RSBN1L: variants seen among roughly 807,000 people sequenced by gnomAD.
The protein encoded by RSBN1L is round spermatid basic protein 1 like, also known as lysine-specific demethylase RSBN1L.
Under a neutral mutation model 67.7 loss-of-function variants are expected in RSBN1L, and 30 were observed. That is an observed-to-expected ratio of 0.44 (90% CI 0.33 to 0.60). The LOEUF (loss-of-function observed/expected upper bound fraction) is 0.60, where lower values mean the gene tolerates loss of function less well. RSBN1L is among the 20% of genes least tolerant of loss of function. The probability of loss-of-function intolerance (pLI) is 0.02; values close to 1 mark genes in which losing one functional copy is unlikely to be tolerated. For synonymous variants in RSBN1L, 433 were observed against 387.0 expected (o/e 1.12, Z -1.39); for missense variants, 992 against 1,031.7 (o/e 0.96, Z 0.53).
chr7:77,744,330 C>T (rs1354985650), intron 2 of RSBN1L, among the ~76,000 whole-genome samples: 2 of 152,128 alleles, frequency 1.3e-5, no homozygotes, highest in Admixed American at 6.5e-5. Context: ...GCCACCATGC[C>T]TGGCCTACTG....
At chr7:77,699,507 A>C (rs1790785462) in intron 1 of RSBN1L, among the ~76,000 whole-genome samples, 1 of 152,256 alleles carries the variant, frequency 6.6e-6, no homozygotes, top group Non-Finnish European at 1.5e-5. Flanking sequence ...GGTATTTAGT[A>C]AATGTTATTT....
rs976914162 is a variant in RSBN1L at position 77,731,249 on chromosome 7, G to A, written c.587-5161G>A. 5.3e-5 allele frequency among the ~76,000 whole-genome samples: 8 copies of A among 152,016 alleles called. No individual in the cohort carries two copies. In the South Asian group the frequency reaches 8.3e-4, roughly 16 times the overall value. ...TTTTTTTTGAGGCAGGGTCTCACTC[G>A]TTCATCCAGGCTTGAGTGCAGTGGC... On this transcript the variant is annotated intron_variant, in intron 1 of 7. Transcript: ENST00000334955.
intron 1 of RSBN1L, among the ~76,000 whole-genome samples, chr7:77,716,624 C>CT (rs61611975): frequency 0.16 from 12,231 of 75,320 alleles, 3,163 homozygotes; most frequent in Non-Finnish European, 0.23. Context: ...GTATCTTCAT[C>CT]TTTTTTTTTT....
At chr7:77,743,460 TTTTG>T (rs202196582) in intron 2 of RSBN1L, among the ~76,000 whole-genome samples, 2,857 of 95,726 alleles carry the variant, frequency 0.03, 94 homozygotes, top group African/African-American at 0.17. Context: ...AATAAGTTGG[TTTTG>T]TTTTTTTTTT....
At chr7:77,764,013 A>G (rs141731340) in intron 3 of RSBN1L, among the ~76,000 whole-genome samples, 1 of 152,194 alleles carries the variant, frequency 6.6e-6, no homozygotes. Flanking sequence ...GTATGAAAAC[A>G]TGTGGGTTGG....
At chr7:77,777,658 G>A (rs920989196) in intron 6 of RSBN1L, among the ~76,000 whole-genome samples, 15 of 151,110 alleles carry the variant, frequency 9.9e-5, no homozygotes, top group African/African-American at 3.6e-4. Context: ...TTTATCACTG[G>A]TTTTTAGAAA....
At chr7:77,714,649 C>T (rs904327944) in intron 1 of RSBN1L, among the ~76,000 whole-genome samples, 10 of 152,052 alleles carry the variant, frequency 6.6e-5, no homozygotes, top group African/African-American at 2.4e-4. Context: ...TAAGCCTGCC[C>T]TAAACATTCA....
intron 2 of RSBN1L, among the ~76,000 whole-genome samples, chr7:77,741,857 G>A (rs1433124542): frequency 6.6e-6 from 1 of 151,924 alleles, no homozygotes; most frequent in African/African-American, 2.4e-5. Flanking sequence ...GGAAATGAGC[G>A]AGAGATTACA....
chr7:77,726,827 C>T (rs1791210115), intron 1 of RSBN1L, among the ~76,000 whole-genome samples: 1 of 142,470 alleles, frequency 7.0e-6, no homozygotes, highest in Admixed American at 7.3e-5. Context: ...GTTGCCCAGG[C>T]TGGAGTGCAG....
At chr7:77,774,893 ACT>A (rs1478272553) in intron 6 of RSBN1L, among the ~76,000 whole-genome samples, 1 of 151,932 alleles carries the variant, frequency 6.6e-6, no homozygotes, top group African/African-American at 2.4e-5. Context: ...ATAGGGCCTC[ACT>A]CTGTTGCCCA....
intron 3 of RSBN1L, chr7:77,759,745 T>G (rs1283224332): frequency 6.6e-6 from 1 of 152,216 alleles, no homozygotes; most frequent in African/African-American, 2.4e-5. Context: ...GAAGGTATTC[T>G]GAGGAACTTT....
chr7:77,705,510 G>GTTT (rs56187940), intron 1 of RSBN1L, among the ~76,000 whole-genome samples: 24,960 of 111,240 alleles, frequency 0.22, 3,695 homozygotes, highest in African/African-American at 0.29. Flanking sequence ...CATTGTAATG[G>GTTT]TTTTTTTTTT....
intron 1 of RSBN1L, among the ~76,000 whole-genome samples, chr7:77,732,613 C>T (rs1456063138): frequency 3.9e-5 from 6 of 152,118 alleles, no homozygotes; most frequent in Admixed American, 1.3e-4. Context: ...GGATTACAGG[C>T]GTGAGCCACC....
At chr7:77,720,116 T>C (rs1791096195) in intron 1 of RSBN1L, among the ~76,000 whole-genome samples, 1 of 152,168 alleles carries the variant, frequency 6.6e-6, no homozygotes, top group Non-Finnish European at 1.5e-5. Context: ...TTGTGACTAT[T>C]GTTATTGTAG....
intron 3 of RSBN1L, among the ~76,000 whole-genome samples, chr7:77,762,699 G>T (rs6952328): frequency 0.12 from 18,864 of 151,960 alleles, 1,242 homozygotes; most frequent in African/African-American, 0.16. Flanking sequence ...GTTACTCAAT[G>T]ATACATGTTT....
intron 3 of RSBN1L, among the ~76,000 whole-genome samples, chr7:77,762,637 AC>A (rs1791709899): frequency 1.3e-5 from 2 of 152,142 alleles, no homozygotes; most frequent in Non-Finnish European, 2.9e-5. Context: ...TCATGACACA[AC>A]ATATGATGTG....
intron 1 of RSBN1L, among the ~76,000 whole-genome samples, chr7:77,734,110 A>G (rs1791302885): frequency 6.6e-6 from 1 of 152,196 alleles, no homozygotes; most frequent in Admixed American, 6.5e-5. Flanking sequence ...TGGGCCACAG[A>G]GCAAGACTTT....
intron 6 of RSBN1L, among the ~76,000 whole-genome samples, chr7:77,774,759 A>C (rs1274752359): frequency 6.6e-6 from 1 of 152,200 alleles, no homozygotes; most frequent in African/African-American, 2.4e-5. Context: ...ACAACAAAAA[A>C]AGATAATTTT....
chr7:77,709,172 G>A (rs1018762439), intron 1 of RSBN1L, among the ~76,000 whole-genome samples: 6 of 124,404 alleles, frequency 4.8e-5, no homozygotes, highest in East Asian at 2.0e-4. Flanking sequence ...GTGTGTGTGT[G>A]TGTGTGTGTG....
Sources: allele counts gnomAD v4.1 joint callset (sites outside exome capture counted in the v4.1 genomes callset), GRCh38; gene constraint gnomAD v4.1.1; transcripts MANE v1.5; gene names NCBI Gene and HGNC (gene_info 2026-07-23, HGNC 2026-07-21).